GYS1: variants seen among roughly 807,000 people sequenced by gnomAD.
GYS1 encodes the protein glycogen [starch] synthase, muscle.
In GYS1, 60 loss-of-function variants were observed where a neutral mutation model predicts 89.1. The ratio of observed to expected loss-of-function variants is 0.67; its 90% CI spans 0.55 to 0.84. The LOEUF (loss-of-function observed/expected upper bound fraction) is 0.84, where lower values mean the gene tolerates loss of function less well. Ranked by LOEUF, GYS1 falls within the 40% of genes least tolerant of loss-of-function variation. The pLI, the probability that GYS1 is intolerant of heterozygous loss-of-function variation, is 0.00. For missense variants in GYS1, 888 were observed against 1,003.1 expected, an observed-to-expected ratio of 0.89 and a Z score of 1.55; for synonymous variants, 366 against 401.7, an observed-to-expected ratio of 0.91 and a Z score of 1.06.
In GYS1 at chr19:48,986,172, C is replaced by A. The variant is rs887803659; in HGVS notation, c.493-137G>T. 5.2e-6 allele frequency: 4 copies of A among 776,592 alleles called. No homozygotes were observed. In the African/African-American group the frequency reaches 6.8e-5, roughly 13 times the overall value. The allele number at this position is 776,592 out of a possible 1,614,324, so 48.1% of individuals were successfully genotyped here. ...CAGAGTGGGCAGCGGCCCACTGCAG[C>A]AATCCCAACCGGACAGGGACCTGTA... On this transcript the variant is annotated intron_variant, in intron 3 of 15. Coordinates refer to ENST00000323798, the MANE Select transcript of GYS1 (RefSeq NM_002103.5).
In GYS1 at chr19:48,991,800, A is replaced by G. The variant is rs775235091; in HGVS notation, c.119-317T>C. Among the ~76,000 whole-genome samples the G allele has an allele frequency of 2.1e-4, 32 of 151,996 alleles. No individual in the cohort carries two copies. The highest frequency in any genetic ancestry group is 4.0e-4 in the Non-Finnish European group (27 of 67,952). On this transcript the variant is annotated intron_variant, in intron 1 of 15. Transcript: ENST00000323798. The surrounding 1 kb of genome is among the most constrained non-coding windows in gnomAD (Gnocchi z 4.7). Reference sequence around the variant, plus strand: ...TGCCGGGACCCCTTGGTCTGAAGGAATTAGGCACTGGGGCTCTAAGGATGG... The same window carrying G: ...TGCCGGGACCCCTTGGTCTGAAGGAGTTAGGCACTGGGGCTCTAAGGATGG...
chr19:48,970,104 A>C (rs1048858847), intron 14 of GYS1, among the ~76,000 whole-genome samples: 11 of 152,178 alleles, frequency 7.2e-5, no homozygotes, highest in Admixed American at 2.6e-4. Flanking sequence ...ACCCTTATGC[A>C]AATGAGAACG....
At chr19:48,983,701 G>A (rs542960475) in intron 5 of GYS1, among the ~76,000 whole-genome samples, 64 of 152,194 alleles carry the variant, frequency 4.2e-4, no homozygotes, top group South Asian at 2.7e-3. Flanking sequence ...CACTGAGAAC[G>A]GATACTAAGG....
intron 2 of GYS1, among the ~76,000 whole-genome samples, chr19:48,990,829 C>T (rs1023282192): frequency 6.6e-6 from 1 of 152,194 alleles, no homozygotes; most frequent in Non-Finnish European, 1.5e-5. Context: ...GAGTCTCGCT[C>T]CGTCGCCCAG....
rs77585762 is a variant in GYS1 at position 48,973,992 on chromosome 19, G to A, written c.1549+221C>T. On this transcript the variant is annotated intron_variant, in intron 12 of 15. Coordinates refer to ENST00000323798, the MANE Select transcript of GYS1 (RefSeq NM_002103.5). ...TTTCTGGGAGAAAGCAGTGTGAACT[G>A]TGACATCCAGTTCACTAGTCCTCAA... Among the ~76,000 whole-genome samples the A allele has an allele frequency of 0.011, 1,667 of 152,294 alleles. 34 individuals are homozygous for A. The highest frequency in any genetic ancestry group is 0.037 in the African/African-American group (1,531 of 41,548).
intron 6 of GYS1, 73 bp downstream of exon 6, chr19:48,982,647 C>A: frequency 8.8e-7 from 1 of 1,141,464 alleles, no homozygotes. Flanking sequence ...CCCAGCTGCC[C>A]CCTCCCCCAG....
At chr19:48,972,142 A>G (rs2038575868) in intron 12 of GYS1, among the ~76,000 whole-genome samples, 1 of 151,186 alleles carries the variant, frequency 6.6e-6, no homozygotes, top group Admixed American at 6.6e-5. Flanking sequence ...AAAAAAAACC[A>G]TCCTGGCCAA....
At chr19:48,979,729 C>A (rs2122498761) in intron 8 of GYS1, among the ~76,000 whole-genome samples, 1 of 148,006 alleles carries the variant, frequency 6.8e-6, no homozygotes, top group South Asian at 2.1e-4. Context: ...TCACTGCAAT[C>A]TCTGCCTCCC....
chr19:48,976,753 C>CT (rs1313055143), intron 10 of GYS1, among the ~76,000 whole-genome samples: 1 of 151,972 alleles, frequency 6.6e-6, no homozygotes, highest in Non-Finnish European at 1.5e-5. Context: ...CTTTTCTTTT[C>CT]TTTCTTTTCC....
intron 10 of GYS1, among the ~76,000 whole-genome samples, 165 bp downstream of exon 10, chr19:48,977,759 C>T (rs1169701429): frequency 3.3e-5 from 5 of 152,168 alleles, no homozygotes; most frequent in African/African-American, 1.2e-4. Context: ...TGAAGTTGCA[C>T]GAGTCAGCAC....
At position 48,968,901 on chromosome 19, in the gene GYS1, C is replaced by T. The variant is rs573202872; in HGVS notation, c.*387G>A. 787 of 484,184 alleles carry T rather than the reference C, an allele frequency of 1.6e-3. 8 individuals carry two copies. Among genetic ancestry groups the T allele is most frequent in the African/African-American group, 0.014 (740 of 51,346 alleles). 30.0% of individuals were successfully genotyped at this position (484,184 alleles called of 1,614,324 possible). A position where few individuals can be genotyped will look rare whatever the true frequency, so the allele number is the denominator to read the frequency against. ...GCATGCCGGGCCTGAGCGTGGCCTG[C>T]TCTGTATGCTGTAGAATTTGTAAGC... On this transcript the variant is annotated 3_prime_UTR_variant, in exon 16 of 16. Coordinates refer to ENST00000323798, the MANE Select transcript of GYS1 (RefSeq NM_002103.5).
rs563296252 is a variant in GYS1 at position 48,979,063 on chromosome 19, T to C, written c.1170-906A>G. Among the ~76,000 whole-genome samples the C allele has an allele frequency of 8.5e-5, 13 of 152,276 alleles. No homozygotes were observed. In the East Asian group the frequency reaches 2.5e-3, roughly 29 times the overall value. ...TAGAATCAACCTCAGAGGTTTGCGA[T>C]GAGGACCCAATGATGTCATGCCAAA... On this transcript the variant is annotated intron_variant, in intron 8 of 15. Coordinates refer to ENST00000323798, the MANE Select transcript of GYS1 (RefSeq NM_002103.5).
rs928382019 is a variant in GYS1 at position 48,970,310 on chromosome 19, A to G, written c.1809+236T>C. On this transcript the variant is annotated intron_variant, in intron 14 of 15. Transcript: ENST00000323798. ...CGGCTGATTTTTTTTTATTTTTAGT[A>G]AAAATAAAATGTTGCCCAGGCTGGT... 2.5e-5 allele frequency: 13 copies of G among 515,826 alleles called. No homozygotes were observed. In the Admixed American group the frequency reaches 4.3e-4, roughly 17 times the overall value. 32.0% of individuals were successfully genotyped at this position (515,826 alleles called of 1,614,324 possible).
At chr19:48,972,370 C>T (rs2038579757) in intron 12 of GYS1, among the ~76,000 whole-genome samples, 1 of 151,622 alleles carries the variant, frequency 6.6e-6, no homozygotes, top group African/African-American at 2.4e-5. Context: ...GACAGGGTCT[C>T]ACCATGTTGT....
At position 48,969,363 on chromosome 19, in the gene GYS1, C is replaced by G. The variant is rs745510608; in HGVS notation, c.2139G>C (p.Thr713=). Residue 713 remains threonine, a synonymous_variant, in exon 16 of 16, where the codon ACG becomes ACC. Transcript: ENST00000323798. ...TSGSKRNSVD[T]ATSSSLSTPS... is the part of the protein sequence containing the mutation. Reference sequence around the variant, plus strand: ...GGGTGCTGAGTGAGCTGGAGGTGGCCGTGTCCACAGAGTTGCGCTTGCTGC... The same window carrying G: ...GGGTGCTGAGTGAGCTGGAGGTGGCGGTGTCCACAGAGTTGCGCTTGCTGC... 1 of 1,583,312 alleles carries G rather than the reference C, an allele frequency of 6.3e-7. No homozygotes were observed. Among genetic ancestry groups the G allele is most frequent in the South Asian group, 1.1e-5 (1 of 87,594 alleles).
chr19:48,970,911 G>A lies in GYS1; in HGVS notation c.1645+17C>T. ...CTCAAGCCCCCTTCCAGAATCCTCA[G>A]GGGCCTGGGCGCTGACCGTAAGCTG... On this transcript the variant is annotated intron_variant, in intron 13 of 15. Transcript: ENST00000323798. The A allele has an allele frequency of 6.3e-7, 1 of 1,597,576 alleles. No individual in the cohort carries two copies. The highest frequency in any genetic ancestry group is 2.2e-5 in the East Asian group (1 of 44,776).
At chr19:48,985,727 G>T in intron 4 of GYS1, 122 bp from the exon 5 acceptor site, 1 of 1,493,606 alleles carries the variant, frequency 6.7e-7, no homozygotes, top group South Asian at 1.1e-5. Context: ...GAGGTAGGAG[G>T]GGTCTGGGGA....
Position 48,993,273 on chromosome 19 carries a change from C to T in GYS1, c.-161G>A. 1.4e-6 allele frequency: 1 copy of T among 725,752 alleles called. No individual in the cohort carries two copies. Among genetic ancestry groups the T allele is most frequent in the Non-Finnish European group, 2.5e-6 (1 of 397,100 alleles). The allele number at this position is 725,752 out of a possible 1,614,324, so 45.0% of individuals were successfully genotyped here. ...GCAAGACCGCACCCCTGCCCCGAAG[C>T]GTTGGGACCTAGGCAGAAGGAGGCC... On this transcript the variant is annotated 5_prime_UTR_variant, in exon 1 of 16. Coordinates refer to ENST00000323798, the MANE Select transcript of GYS1 (RefSeq NM_002103.5).
At position 48,969,815 on chromosome 19, in the gene GYS1, A is replaced by G; in HGVS notation, c.1850T>C (p.Phe617Ser). Residue 617 changes from phenylalanine to serine, a missense_variant, in exon 15 of 16, where the codon TTT (phenylalanine) becomes TCT (serine). Phe to Ser is a radical substitution (Grantham distance 155, BLOSUM62 -2). Transcript: ENST00000323798. ...GGGCTCGTAGGTGAAGTGCTCTGGA[A>G]AGGCCTTGGACAGCGCCATGTGGCG... Reference protein sequence around the residue: ...SARHMALSKAFPEHFTYEPNE... With the variant: ...SARHMALSKASPEHFTYEPNE... 6.2e-7 allele frequency: 1 copy of G among 1,613,964 alleles called. No individual in the cohort carries two copies. The highest frequency in any genetic ancestry group is 8.5e-7 in the Non-Finnish European group (1 of 1,179,930).
Sources: gnomAD v4.1 joint callset for allele counts (sites outside exome capture counted in the v4.1 genomes callset) on GRCh38, gnomAD v4.1.1 for gene constraint, Gnocchi (gnomAD v3.1) non-coding constraint, MANE v1.5 for transcripts, NCBI Gene and HGNC (gene_info 2026-07-23, HGNC 2026-07-21) for gene names.